The following CARS1 variants were observed in gnomAD, a reference collection of about 807,000 sequenced individuals.
CARS1 encodes cysteinyl-tRNA synthetase 1, also known as cysteine--tRNA ligase, cytoplasmic.
In CARS1, 48 loss-of-function variants were observed where a neutral mutation model predicts 106.2. The observed-to-expected ratio is 0.45, with a 90% CI of 0.36 to 0.57. The LOEUF is 0.57. CARS1 is among the 20% of genes least tolerant of loss of function. The probability of loss-of-function intolerance (pLI) is 0.00; values close to 1 mark genes in which losing one functional copy is unlikely to be tolerated. For synonymous variants in CARS1, 409 were observed against 403.4 expected, an observed-to-expected ratio of 1.01 and a Z score of -0.17; for missense variants, 968 against 1,057.2, an observed-to-expected ratio of 0.92 and a Z score of 1.17.
rs1178051744 is a variant in CARS1 at position 3,048,828 on chromosome 11, C to T, written c.26-827G>A. ...CTGCTCCAGCCAGCCTCACCTGGCC[C>T]CTGGCCCCTGGCCCCAGGCCCCAGC... On this transcript the variant is annotated intron_variant, in intron 1 of 22. Coordinates refer to ENST00000380525, the MANE Select transcript of CARS1 (RefSeq NM_001014437.3). The surrounding 1 kb of genome is among the most constrained non-coding windows in gnomAD (Gnocchi z 5.1). Among the ~76,000 whole-genome samples, 1 of 152,202 alleles carries T rather than the reference C, an allele frequency of 6.6e-6. No individual in the cohort carries two copies. The highest frequency in any genetic ancestry group is 1.5e-5 in the Non-Finnish European group (1 of 68,036).
chr11:3,047,677 G>A, intron 2 of CARS1, 76 bp downstream of exon 2: 1 of 1,528,574 alleles, frequency 6.5e-7, no homozygotes, highest in Non-Finnish European at 8.8e-7. Context: ...CGCCAGGTAA[G>A]CACCAGGGTG....
chr11:3,041,963 C>G lies in CARS1; in HGVS notation c.366+202G>C, dbSNP rs570083178. On this transcript the variant is annotated intron_variant, in intron 3 of 22. Transcript: ENST00000380525. This position sits in a 1 kb window ranked among gnomAD's most constrained non-coding sequence, Gnocchi z 4.9. ...ACATGAGGCATGATACTTCACGTGT[C>G]TGGGTTTCAGAGGACAGCTCTGCCT... Among the ~76,000 whole-genome samples the G allele has an allele frequency of 6.6e-6, 1 of 152,266 alleles. No homozygotes were observed. Among genetic ancestry groups the G allele is most frequent in the Non-Finnish European group, 1.5e-5 (1 of 68,020 alleles).
intron 9 of CARS1, chr11:3,027,056 CCTGCCTTGCTCA>C: frequency 7.4e-6 from 3 of 404,118 alleles, no homozygotes; most frequent in South Asian, 7.1e-5. Flanking sequence ...CAGCTCCCAC[CCTGCCTTGCTCA>C]GGGCTGCTGC....
At chr11:3,049,599 G>A (rs1173521616) in intron 1 of CARS1, among the ~76,000 whole-genome samples, 1 of 152,208 alleles carries the variant, frequency 6.6e-6, no homozygotes, top group African/African-American at 2.4e-5. Flanking sequence ...GAAAAGGACC[G>A]ATGCTTGCTC....
intron 10 of CARS1, among the ~76,000 whole-genome samples, chr11:3,023,587 G>A (rs141984400): frequency 1.4e-3 from 219 of 152,228 alleles, no homozygotes; most frequent in Admixed American, 5.5e-3. Flanking sequence ...TAGAGATGCG[G>A]TCTCACTACA....
intron 10 of CARS1, among the ~76,000 whole-genome samples, chr11:3,023,093 G>A (rs560196814): frequency 6.6e-6 from 1 of 152,188 alleles, no homozygotes; most frequent in South Asian, 2.1e-4. Context: ...GAAGAAAATG[G>A]GCCCAAGAAT....
chr11:3,057,174 C>T (rs1394661146), intron 1 of CARS1, among the ~76,000 whole-genome samples, 169 bp downstream of exon 1: 1 of 152,048 alleles, frequency 6.6e-6, no homozygotes, highest in Non-Finnish European at 1.5e-5. Context: ...CGCACTGACA[C>T]CCCTCAGACC....
chr11:3,057,415 A>C lies in CARS1; in HGVS notation c.-48T>G. 1 of 1,577,136 alleles carries C rather than the reference A, an allele frequency of 6.3e-7. No individual in the cohort carries two copies. Among genetic ancestry groups the C allele is most frequent in the Non-Finnish European group, 8.7e-7 (1 of 1,152,486 alleles). ...GCTGCGGCTACAGACACTTCCTAGA[A>C]TCTGATGCAACCGCCGCCCCGGAAG... is the stretch of plus-strand genomic sequence containing the variant. On this transcript the variant is annotated 5_prime_UTR_variant, in exon 1 of 23. Transcript: ENST00000380525.
Position 3,057,373 on chromosome 11 carries a change from G to T in CARS1, c.-6C>A. 1 of 1,610,278 alleles carries T rather than the reference G, an allele frequency of 6.2e-7. No individual in the cohort carries two copies. The highest frequency in any genetic ancestry group is 8.5e-7 in the Non-Finnish European group (1 of 1,178,696). ...TGCCCGGAGGAATCTGCCATGGCTG[G>T]GAATCCCGGACCCGCAGCTGCGGCT... On this transcript the variant is annotated 5_prime_UTR_variant, in exon 1 of 23. Coordinates refer to ENST00000380525, the MANE Select transcript of CARS1 (RefSeq NM_001014437.3).
Position 3,048,005 on chromosome 11 carries a change from C to T in CARS1, c.26-4G>A, listed in dbSNP as rs990060494. On this transcript the variant is annotated splice_region_variant and splice_polypyrimidine_tract_variant and intron_variant, in intron 1 of 22. Transcript: ENST00000380525. The surrounding 1 kb of genome is among the most constrained non-coding windows in gnomAD (Gnocchi z 5.1). Reference sequence around the variant, plus strand: ...AGAATGGACCTGTAGTCAGGAGCTGCAAAGACAGAGGGCACATGGTGTCAG... The same window carrying T: ...AGAATGGACCTGTAGTCAGGAGCTGTAAAGACAGAGGGCACATGGTGTCAG... 2.5e-6 allele frequency: 4 copies of T among 1,611,198 alleles called. No individual in the cohort carries two copies. Among genetic ancestry groups the T allele is most frequent in the Non-Finnish European group, 3.4e-6 (4 of 1,177,990 alleles).
rs1855757944 is a variant in CARS1, at chr11:3,052,148, G to A, written c.26-4147C>T. Among the ~76,000 whole-genome samples, 1 of 152,252 alleles carries A rather than the reference G, an allele frequency of 6.6e-6. No individual in the cohort carries two copies. The highest frequency in any genetic ancestry group is 1.5e-5 in the Non-Finnish European group (1 of 68,044). On this transcript the variant is annotated intron_variant, in intron 1 of 22. Transcript: ENST00000380525. The surrounding 1 kb of genome is among the most constrained non-coding windows in gnomAD (Gnocchi z 4.6). ...TAACGGCGGCTGCAGTGGCTTTTGA[G>A]CGCTGAGGAAGCAGTCTGGGAACTG...
At position 3,048,968 on chromosome 11, in the gene CARS1, C is replaced by A. The variant is rs1289469415; in HGVS notation, c.26-967G>T. On this transcript the variant is annotated intron_variant, in intron 1 of 22. Transcript: ENST00000380525. This position sits in a 1 kb window ranked among gnomAD's most constrained non-coding sequence, Gnocchi z 5.1. ...TCACCATTGGGAGGAGGAGCAGAAC[C>A]CTAACTTTCACCACTGCCAGCTGTA... is the stretch of plus-strand genomic sequence containing the variant. Among the ~76,000 whole-genome samples, 1 of 152,196 alleles carries A rather than the reference C, an allele frequency of 6.6e-6. No individual in the cohort carries two copies. Among genetic ancestry groups the A allele is most frequent in the Non-Finnish European group, 1.5e-5 (1 of 68,034 alleles).
In CARS1 at chr11:3,039,056, C is replaced by T. The variant is rs1854062756; in HGVS notation, c.651+138G>A. On this transcript the variant is annotated intron_variant, in intron 6 of 22. Transcript: ENST00000380525. This position sits in a 1 kb window ranked among gnomAD's most constrained non-coding sequence, Gnocchi z 5.6. ...CCTTACCTATGGAGACTTCAGCGCCCCTGACGGAACTGGCTTGAGTAACAT... is the reference window on the plus strand; with the variant it reads ...CCTTACCTATGGAGACTTCAGCGCCTCTGACGGAACTGGCTTGAGTAACAT... 1 of 590,630 alleles carries T rather than the reference C, an allele frequency of 1.7e-6. No homozygotes were observed. The highest frequency in any genetic ancestry group is 3.0e-6 in the Non-Finnish European group (1 of 334,080). 36.6% of individuals were successfully genotyped at this position (590,630 alleles called of 1,614,324 possible). A position where few individuals can be genotyped will look rare whatever the true frequency, so the allele number is the denominator to read the frequency against.
intron 17 of CARS1, 87 bp from the exon 18 acceptor site, chr11:3,012,363 G>T: frequency 8.8e-7 from 1 of 1,132,164 alleles, no homozygotes. Flanking sequence ...CGCGACACAG[G>T]GCAGGGACTG....
intron 18 of CARS1, chr11:3,007,215 G>A (rs1203633226): frequency 1.6e-4 from 88 of 545,646 alleles, no homozygotes; most frequent in Non-Finnish European, 1.3e-5. Context: ...TTCTGGGGGT[G>A]CAGGGCAGAG....
chr11:3,015,052 T>A (rs1850853662), intron 17 of CARS1, among the ~76,000 whole-genome samples: 1 of 152,232 alleles, frequency 6.6e-6, no homozygotes, highest in African/African-American at 2.4e-5. Context: ...GAAGCCTGAC[T>A]GTGGGTGTGT....
intron 16 of CARS1, among the ~76,000 whole-genome samples, chr11:3,016,321 T>C (rs919941944): frequency 6.6e-6 from 1 of 151,616 alleles, no homozygotes; most frequent in Admixed American, 6.6e-5. Flanking sequence ...CCTGGGTTCA[T>C]GCCATTCTCC....
At position 3,050,639 on chromosome 11, in the gene CARS1, T is replaced by C. The variant is rs1234564877; in HGVS notation, c.26-2638A>G. On this transcript the variant is annotated intron_variant, in intron 1 of 22. Coordinates refer to ENST00000380525, the MANE Select transcript of CARS1 (RefSeq NM_001014437.3). The surrounding 1 kb of genome is among the most constrained non-coding windows in gnomAD (Gnocchi z 6.3). Reference sequence around the variant, plus strand: ...ACCCACCTCGCCAGCAGCACAAGCCTGTCCTCATGCTGGCCATGGGCCCCC... The same window carrying C: ...ACCCACCTCGCCAGCAGCACAAGCCCGTCCTCATGCTGGCCATGGGCCCCC... Among the ~76,000 whole-genome samples, 1 of 152,180 alleles carries C rather than the reference T, an allele frequency of 6.6e-6. No individual in the cohort carries two copies. The highest frequency in any genetic ancestry group is 1.5e-5 in the Non-Finnish European group (1 of 68,024).
In CARS1 at chr11:3,004,608, G is replaced by A. The variant is rs1038882759; in HGVS notation, c.2217+758C>T. 6.6e-6 allele frequency among the ~76,000 whole-genome samples: 1 copy of A among 152,166 alleles called. No homozygotes were observed. Among genetic ancestry groups the A allele is most frequent in the Non-Finnish European group, 1.5e-5 (1 of 68,026 alleles). Reference sequence around the variant, plus strand: ...TCTCATCCTGCTGCCTGCATCCCAGGGTACCCCATGCGCTGTGCCCAGAGA... The same window carrying A: ...TCTCATCCTGCTGCCTGCATCCCAGAGTACCCCATGCGCTGTGCCCAGAGA... On this transcript the variant is annotated intron_variant, in intron 20 of 22. Coordinates refer to ENST00000380525, the MANE Select transcript of CARS1 (RefSeq NM_001014437.3). This position sits in a 1 kb window ranked among gnomAD's most constrained non-coding sequence, Gnocchi z 5.2.
Sources: gnomAD v4.1 joint callset for allele counts (sites outside exome capture counted in the v4.1 genomes callset) on GRCh38, gnomAD v4.1.1 for gene constraint, Gnocchi (gnomAD v3.1) non-coding constraint, MANE v1.5 for transcripts, NCBI Gene and HGNC (gene_info 2026-07-23, HGNC 2026-07-21) for gene names.